The following GRAMD2B variants were observed in gnomAD, a reference collection of about 807,000 sequenced individuals.
The protein encoded by GRAMD2B is GRAM domain containing 2B, also known as GRAM domain-containing protein 2B.
A neutral mutation model predicts 59.2 loss-of-function variants in GRAMD2B; 41 were observed. The observed-to-expected ratio is 0.69, with a 90% confidence interval of 0.54 to 0.90. GRAMD2B has a LOEUF of 0.90. GRAMD2B is among the 40% of genes least tolerant of loss of function. The pLI is 0.00. For missense variants in GRAMD2B, 424 were observed against 500.5 expected, an observed-to-expected ratio of 0.85 and a Z score of 1.46; for synonymous variants, 161 against 182.7, an observed-to-expected ratio of 0.88 and a Z score of 0.96.
intron 1 of GRAMD2B, chr5:126,371,654 T>A: frequency 8.9e-7 from 1 of 1,124,740 alleles, no homozygotes; most frequent in Non-Finnish European, 1.1e-6. Flanking sequence ...AGCTCCTTTT[T>A]CATTCCTGGA....
At position 126,485,683 on chromosome 5, in the gene GRAMD2B, C is replaced by A; in HGVS notation, c.971-3C>A. The A allele has an allele frequency of 6.2e-7, 1 of 1,603,924 alleles. No homozygotes were observed. The highest frequency in any genetic ancestry group is 8.5e-7 in the Non-Finnish European group (1 of 1,172,538). Reference sequence around the variant, plus strand: ...CAGTTGTTTTTTGTTTTCCTCCCAACAGGTCTGTCAGAAACTGTTGGAATC... The same window carrying A: ...CAGTTGTTTTTTGTTTTCCTCCCAAAAGGTCTGTCAGAAACTGTTGGAATC... On this transcript the variant is annotated splice_region_variant and splice_polypyrimidine_tract_variant and intron_variant, in intron 10 of 13. Transcript: ENST00000285689.
chr5:126,395,691 G>A (rs563540614), intron 1 of GRAMD2B, among the ~76,000 whole-genome samples: 9 of 152,162 alleles, frequency 5.9e-5, no homozygotes, highest in African/African-American at 1.4e-4. Context: ...AACAAACGTC[G>A]GGGACTGAAA....
chr5:126,480,416 C>A (rs754438304), intron 6 of GRAMD2B, 40 bp from the exon 7 acceptor site: 3 of 1,446,242 alleles, frequency 2.1e-6, no homozygotes, highest in Admixed American at 3.4e-5. Context: ...ACTTCTCATC[C>A]GGCAATATCT....
At chr5:126,443,477 GT>G (rs1375354707) in intron 1 of GRAMD2B, among the ~76,000 whole-genome samples, 2 of 152,132 alleles carry the variant, frequency 1.3e-5, no homozygotes, top group African/African-American at 4.8e-5. Context: ...CTATTAACTA[GT>G]TAAAAGAAAA....
chr5:126,448,944 T>G (rs1764839538), intron 1 of GRAMD2B, among the ~76,000 whole-genome samples: 1 of 152,210 alleles, frequency 6.6e-6, no homozygotes, highest in African/African-American at 2.4e-5. Flanking sequence ...TAGTGTGGTA[T>G]CATGGTGTCA....
intron 1 of GRAMD2B, among the ~76,000 whole-genome samples, chr5:126,431,357 C>T (rs1292762533): frequency 6.6e-6 from 1 of 152,146 alleles, no homozygotes; most frequent in African/African-American, 2.4e-5. Context: ...AGCTTCTTTG[C>T]AGAATAGTTA....
chr5:126,400,635 G>A (rs182539188), intron 1 of GRAMD2B, among the ~76,000 whole-genome samples: 60 of 152,102 alleles, frequency 3.9e-4, no homozygotes, highest in Non-Finnish European at 3.5e-4. Flanking sequence ...TTCTTATAAG[G>A]CAGGTCTAAT....
At chr5:126,411,341 A>G (rs554710050) in intron 1 of GRAMD2B, among the ~76,000 whole-genome samples, 2 of 152,180 alleles carry the variant, frequency 1.3e-5, no homozygotes, top group South Asian at 2.1e-4. Context: ...CTATCCCAGC[A>G]CCATTTATTG....
chr5:126,394,060 G>T (rs1472020784), intron 1 of GRAMD2B, among the ~76,000 whole-genome samples: 2 of 152,126 alleles, frequency 1.3e-5, no homozygotes, highest in Non-Finnish European at 2.9e-5. Flanking sequence ...AGATCACGAG[G>T]TGAGGAGATC....
At chr5:126,410,807 C>T (rs1758715495) in intron 1 of GRAMD2B, among the ~76,000 whole-genome samples, 1 of 151,856 alleles carries the variant, frequency 6.6e-6, no homozygotes, top group African/African-American at 2.4e-5. Context: ...ATAACCATTC[C>T]AACTGGTATG....
At chr5:126,405,605 A>C (rs1029458492) in intron 1 of GRAMD2B, among the ~76,000 whole-genome samples, 3 of 151,826 alleles carry the variant, frequency 2.0e-5, no homozygotes, top group Admixed American at 6.6e-5. Context: ...AGTCTAGTGA[A>C]CCAGATCATT....
chr5:126,459,027 T>C (rs1234275820), intron 1 of GRAMD2B: 1 of 152,238 alleles, frequency 6.6e-6, no homozygotes, highest in Non-Finnish European at 1.5e-5. Context: ...CCCTCCATTA[T>C]TGTAGCAGGA....
At chr5:126,421,468 G>A (rs1259240165), upstream of GRAMD2B, among the ~76,000 whole-genome samples, 1 of 152,132 alleles carries the variant, frequency 6.6e-6, no homozygotes, top group Non-Finnish European at 1.5e-5. Flanking sequence ...AGGCAACTAT[G>A]GGCACCAAGG....
At chr5:126,412,639 A>G (rs1028361444) in intron 1 of GRAMD2B, among the ~76,000 whole-genome samples, 1 of 151,988 alleles carries the variant, frequency 6.6e-6, no homozygotes, top group African/African-American at 2.4e-5. Flanking sequence ...GAGTTAGAGA[A>G]GAGTCCTTTC....
At chr5:126,378,420 C>T (rs528926469) in intron 1 of GRAMD2B, among the ~76,000 whole-genome samples, 1 of 152,246 alleles carries the variant, frequency 6.6e-6, no homozygotes, top group South Asian at 2.1e-4. Flanking sequence ...TAAACTCTTT[C>T]CAATTCATAA....
chr5:126,362,378 A>T (rs1377920307), intron 1 of GRAMD2B, among the ~76,000 whole-genome samples: 1 of 152,186 alleles, frequency 6.6e-6, no homozygotes, highest in African/African-American at 2.4e-5. Context: ...CTTTCACTTT[A>T]CCTGTCTTTA....
rs761288880 is a variant in GRAMD2B at position 126,472,315 on chromosome 5, A to C, written c.382+11A>C. The C allele has an allele frequency of 6.2e-7, 1 of 1,610,048 alleles. No individual in the cohort carries two copies. Among genetic ancestry groups the C allele is most frequent in the Admixed American group, 1.7e-5 (1 of 59,792 alleles). On this transcript the variant is annotated intron_variant, in intron 4 of 13. Coordinates refer to ENST00000285689, the MANE Select transcript of GRAMD2B (RefSeq NM_023927.4). ...AACCACTGAAGCAAAGTAAGTTCTGACCTGTTTGACTTTTTAAGCTACATA... is the reference window on the plus strand; with the variant it reads ...AACCACTGAAGCAAAGTAAGTTCTGCCCTGTTTGACTTTTTAAGCTACATA...
chr5:126,481,042 C>T (rs1771640822), intron 8 of GRAMD2B: 1 of 307,244 alleles, frequency 3.3e-6, no homozygotes, highest in Admixed American at 4.7e-5. Context: ...TGAGGTAGGA[C>T]TGAATCATCC....
At chr5:126,482,962 A>G (rs1310004286) in intron 8 of GRAMD2B, among the ~76,000 whole-genome samples, 1 of 152,228 alleles carries the variant, frequency 6.6e-6, no homozygotes, top group African/African-American at 2.4e-5. Flanking sequence ...GAGGGGAGAA[A>G]AAAAGCTTAA....
Sources: allele counts gnomAD v4.1 joint callset (sites outside exome capture counted in the v4.1 genomes callset), GRCh38; gene constraint gnomAD v4.1.1; transcripts MANE v1.5; gene names NCBI Gene and HGNC (gene_info 2026-07-23, HGNC 2026-07-21).